Variants in SNRPN observed in about 807,000 individuals in gnomAD.
The protein encoded by SNRPN is small nuclear ribonucleoprotein polypeptide N, also known as small nuclear ribonucleoprotein-associated protein N.
In SNRPN, 7 loss-of-function variants were observed where a neutral mutation model predicts 25.2. That is an observed-to-expected ratio of 0.28 (90% CI 0.16 to 0.52). SNRPN has a LOEUF of 0.52. Among genes scored for constraint, SNRPN ranks in the 20% least tolerant of loss-of-function variants. The probability of loss-of-function intolerance (pLI) is 0.96; values close to 1 mark genes in which losing one functional copy is unlikely to be tolerated. For missense variants in SNRPN, 196 were observed against 322.5 expected (o/e 0.61, Z 3.00); for synonymous variants, 124 against 110.6 (o/e 1.12, Z -0.76).
intron 2 of SNRPN, among the ~76,000 whole-genome samples, chr15:24,834,676 A>G (rs957235384): frequency 1.3e-4 from 19 of 148,136 alleles, no homozygotes; most frequent in Non-Finnish European, 2.7e-4. Context: ...GATCATGATC[A>G]GGTCACTGCA....
intron 2 of SNRPN, chr15:24,912,292 A>G (rs1368547978): frequency 1.3e-5 from 2 of 152,090 alleles, no homozygotes; most frequent in South Asian, 4.1e-4. Context: ...TGACTTTTAT[A>G]AAGGGAATGT....
chr15:24,938,067 A>G (rs1016095974), intron 3 of SNRPN, among the ~76,000 whole-genome samples: 2 of 150,726 alleles, frequency 1.3e-5, no homozygotes, highest in Non-Finnish European at 2.9e-5. Context: ...TAATGCTGCT[A>G]TGAACATGGG....
chr15:24,923,876 C>CGTGTGTGTGTGTGT (rs1488829289), intron 3 of SNRPN, among the ~76,000 whole-genome samples: 14 of 107,022 alleles, frequency 1.3e-4, no homozygotes, highest in Non-Finnish European at 1.8e-4. Context: ...TTTTTAGTGC[C>CGTGTGTGTGTGTGT]GTGTATGTGT....
intron 1 of SNRPN, among the ~76,000 whole-genome samples, chr15:24,877,174 T>A (rs564021959): frequency 6.6e-6 from 1 of 152,158 alleles, no homozygotes; most frequent in African/African-American, 2.4e-5. Flanking sequence ...CACAGAAAAT[T>A]TTCGTATTTT....
chr15:24,961,691 CTATATAAGTATGT>C (rs1183407662), intron 1 of SNRPN, among the ~76,000 whole-genome samples: 1 of 152,050 alleles, frequency 6.6e-6, no homozygotes, highest in Non-Finnish European at 1.5e-5. Context: ...TTCTATTCCA[CTATATAAGTATGT>C]CTACTGTATC....
rs140719507 is a variant in SNRPN, at chr15:24,928,096, T to G, written c.-391+7972T>G. Among the ~76,000 whole-genome samples, 94 of 152,316 alleles carry G rather than the reference T, an allele frequency of 6.2e-4. 1 individual carries two copies. The highest frequency in any genetic ancestry group is 6.8e-3 in the Middle Eastern group (2 of 294). ...ACATAAAAATAAATGCTGATGAGGA[T>G]GCAGATGACAGGGAACTCTCCTATA... On this transcript the variant is annotated intron_variant, in intron 3 of 11. Coordinates refer to the SNRPN transcript ENST00000400097.
chr15:24,867,523 C>T lies in SNRPN; in HGVS notation c.-579+10807C>T, dbSNP rs563466885. Among the ~76,000 whole-genome samples, 740 of 144,548 alleles carry T rather than the reference C, an allele frequency of 5.1e-3. 5 individuals are homozygous for T. Among genetic ancestry groups the T allele is most frequent in the Middle Eastern group, 0.021 (6 of 286 alleles). 94.8% of individuals were successfully genotyped at this position (144,548 alleles called of 152,430 possible). A position where few individuals can be genotyped will look rare whatever the true frequency, so the allele number is the denominator to read the frequency against. ...CCGAGTAGCTGGGACTACAGGCGCC[C>T]GCCACCACGCTCAGCTAATTTTTTG... On this transcript the variant is annotated intron_variant, in intron 1 of 11. Coordinates refer to the SNRPN transcript ENST00000400097.
chr15:24,935,188 C>T (rs1284370510), intron 3 of SNRPN, among the ~76,000 whole-genome samples: 1 of 151,806 alleles, frequency 6.6e-6, no homozygotes, highest in Non-Finnish European at 1.5e-5. Context: ...AGGAGAATTG[C>T]CTGAACCCGG....
At chr15:24,956,354 C>CGGGGGT (rs1555404321) in intron 1 of SNRPN, among the ~76,000 whole-genome samples, 1 of 138,158 alleles carries the variant, frequency 7.2e-6, no homozygotes, top group Admixed American at 7.7e-5. Context: ...AGCGCTTCAG[C>CGGGGGT]GGGGGGGTGG....
chr15:24,942,838 T>C (rs2061638421), intron 3 of SNRPN, among the ~76,000 whole-genome samples: 1 of 152,138 alleles, frequency 6.6e-6, no homozygotes, highest in Non-Finnish European at 1.5e-5. Flanking sequence ...TCTTGGTGAA[T>C]GGGAGTTCAT....
chr15:24,854,502 C>T (rs185682145), upstream of SNRPN, among the ~76,000 whole-genome samples: 693 of 152,270 alleles, frequency 4.6e-3, 6 homozygotes, highest in African/African-American at 0.016. Flanking sequence ...GCTCATATTT[C>T]TTAGAACAGA....
At chr15:24,867,670 G>A (rs12595469) in intron 1 of SNRPN, among the ~76,000 whole-genome samples, 14,037 of 149,376 alleles carry the variant, frequency 0.094, 784 homozygotes, top group South Asian at 0.19. Flanking sequence ...CACTGCGCCC[G>A]GCCTTAAATA....
chr15:24,962,006 A>G (rs1233541692), intron 1 of SNRPN, 108 bp from the exon 2 acceptor site: 1 of 984,376 alleles, frequency 1.0e-6, no homozygotes, highest in Non-Finnish European at 1.6e-6. Flanking sequence ...TTTTAATTAG[A>G]TTTAAAAATC....
Position 24,832,882 on chromosome 15 carries a change from G to A in SNRPN, c.-579+2977G>A, listed in dbSNP as rs368289473. Among the ~76,000 whole-genome samples, 27 of 151,976 alleles carry A rather than the reference G, an allele frequency of 1.8e-4. 1 individual carries two copies. The South Asian group carries it at 4.4e-3, about 25-fold the overall frequency. On this transcript the variant is annotated intron_variant, in intron 2 of 12. Coordinates refer to the SNRPN transcript ENST00000400100. ...AGCACTTTGGGAGGCCGAGGCGGGC[G>A]GACCACGAGGTCAGGAGATCGAGGC... is the stretch of plus-strand genomic sequence containing the variant.
intron 2 of SNRPN, among the ~76,000 whole-genome samples, chr15:24,913,439 T>G (rs1437104946): frequency 6.6e-6 from 1 of 152,034 alleles, no homozygotes; most frequent in Admixed American, 6.6e-5. Flanking sequence ...GGTCAGGAGT[T>G]TGAGACCAGC....
intron 2 of SNRPN, among the ~76,000 whole-genome samples, chr15:24,887,389 C>T (rs1422411289): frequency 2.6e-5 from 4 of 152,082 alleles, no homozygotes; most frequent in Non-Finnish European, 4.4e-5. Context: ...CTCAGGTTAT[C>T]CTCCGGCCTC....
chr15:24,836,418 A>T (rs1566809077), intron 2 of SNRPN, among the ~76,000 whole-genome samples: 1 of 149,820 alleles, frequency 6.7e-6, no homozygotes, highest in African/African-American at 2.5e-5. Context: ...ATGCAAATGC[A>T]TTTTTTTTTT....
At chr15:24,869,527 C>T (rs1254526971) in intron 1 of SNRPN, among the ~76,000 whole-genome samples, 1 of 152,160 alleles carries the variant, frequency 6.6e-6, no homozygotes, top group Non-Finnish European at 1.5e-5. Context: ...GACAGTTTCT[C>T]AGACTTTCCT....
At chr15:24,845,244 A>G (rs112484259) in intron 2 of SNRPN, among the ~76,000 whole-genome samples, 3 of 152,174 alleles carry the variant, frequency 2.0e-5, no homozygotes, top group Admixed American at 6.6e-5. Flanking sequence ...ATACTGTTCC[A>G]TTTATCTATT....
Sources: allele counts gnomAD v4.1 joint callset (sites outside exome capture counted in the v4.1 genomes callset), GRCh38; gene constraint gnomAD v4.1.1; transcripts MANE v1.5; gene names NCBI Gene and HGNC (gene_info 2026-07-23, HGNC 2026-07-21).